Variants in PHACTR1 observed in about 807,000 individuals in gnomAD.
PHACTR1 encodes the protein RPEL repeat containing 1.
In PHACTR1, 16 loss-of-function variants were observed where a neutral mutation model predicts 69.2. That is an observed-to-expected ratio of 0.23 (90% CI 0.16 to 0.35). PHACTR1 has a LOEUF of 0.35. Ranked by LOEUF, PHACTR1 falls within the 10% of genes least tolerant of loss-of-function variation. The pLI is 1.00. For missense variants in PHACTR1, 510 were observed against 734.7 expected, an observed-to-expected ratio of 0.69 and a Z score of 3.54; for synonymous variants, 312 against 284.5, an observed-to-expected ratio of 1.10 and a Z score of -0.97.
chr6:13,140,054 T>C (rs550735826), intron 5 of PHACTR1, among the ~76,000 whole-genome samples: 1 of 152,226 alleles, frequency 6.6e-6, no homozygotes, highest in Non-Finnish European at 1.5e-5. Context: ...TAGATTCTCA[T>C]GATCTTCCTC....
chr6:12,735,745 C>G (rs1764156565), intron 3 of PHACTR1, among the ~76,000 whole-genome samples: 1 of 152,200 alleles, frequency 6.6e-6, no homozygotes, highest in Admixed American at 6.5e-5. Context: ...TTACAGGAAA[C>G]AGGGCTGGCT....
rs112874226 is a variant in PHACTR1 at position 12,787,509 on chromosome 6, C to T, written c.250+37719C>T. ...GATGTGTCCTGAGCAAATGGTTTCC[C>T]GGGATGCTGATCAAAAGAACAGTCA... On this transcript the variant is annotated intron_variant, in intron 4 of 14. Transcript: ENST00000332995. Among the ~76,000 whole-genome samples, 143 of 152,244 alleles carry T rather than the reference C, an allele frequency of 9.4e-4. 2 individuals are homozygous for T. In the South Asian group the frequency reaches 0.014, roughly 15 times the overall value.
chr6:12,759,108 G>A (rs1176081694), intron 4 of PHACTR1, among the ~76,000 whole-genome samples: 14 of 116,956 alleles, frequency 1.2e-4, no homozygotes, highest in African/African-American at 4.7e-4. Context: ...GGGTGAAGAA[G>A]CAAGACTCCA....
chr6:13,114,186 A>G (rs1817469321), intron 5 of PHACTR1, among the ~76,000 whole-genome samples: 1 of 152,110 alleles, frequency 6.6e-6, no homozygotes, highest in African/African-American at 2.4e-5. Flanking sequence ...CTCCTCTGCC[A>G]AGACCTGCTC....
chr6:12,773,648 C>T (rs1769671306), intron 4 of PHACTR1, among the ~76,000 whole-genome samples: 1 of 152,104 alleles, frequency 6.6e-6, no homozygotes, highest in East Asian at 1.9e-4. Flanking sequence ...TCAAAGATCT[C>T]ATAATATCTG....
intron 5 of PHACTR1, among the ~76,000 whole-genome samples, chr6:13,158,634 G>C (rs1339975404): frequency 6.6e-6 from 1 of 152,278 alleles, no homozygotes; most frequent in East Asian, 1.9e-4. Flanking sequence ...AAATAACCCA[G>C]AGAGCTTTTT....
At chr6:13,074,026 C>T (rs1468162049) in intron 5 of PHACTR1, among the ~76,000 whole-genome samples, 3 of 152,094 alleles carry the variant, frequency 2.0e-5, no homozygotes, top group Non-Finnish European at 4.4e-5. Flanking sequence ...GCGTATGCCA[C>T]CATGCCTGGC....
At position 13,245,437 on chromosome 6, in the gene PHACTR1, T is replaced by C. The variant is rs1271550229; in HGVS notation, c.1391+15244T>C. ...TAATAATTAATGATGTTGAGCATTT[T>C]TTCATGTTTGTTGGCCACATGGATT... On this transcript the variant is annotated intron_variant, in intron 10 of 14. Coordinates refer to ENST00000332995, the MANE Select transcript of PHACTR1 (RefSeq NM_030948.6). The surrounding 1 kb of genome is among the most constrained non-coding windows in gnomAD (Gnocchi z 4.1). Among the ~76,000 whole-genome samples, 3 of 152,234 alleles carry C rather than the reference T, an allele frequency of 2.0e-5. No homozygotes were observed. Among genetic ancestry groups the C allele is most frequent in the South Asian group, 2.1e-4 (1 of 4,834 alleles).
chr6:12,867,355 T>C (rs1781563988), intron 4 of PHACTR1, among the ~76,000 whole-genome samples: 1 of 152,230 alleles, frequency 6.6e-6, no homozygotes, highest in Non-Finnish European at 1.5e-5. Context: ...TAACAATACC[T>C]AAATGATCAA....
intron 4 of PHACTR1, among the ~76,000 whole-genome samples, chr6:12,907,938 T>C (rs1456380035): frequency 6.6e-6 from 1 of 152,242 alleles, no homozygotes; most frequent in Admixed American, 6.5e-5. Context: ...ATCAATGTCA[T>C]GTTTTAATTA....
At chr6:12,817,324 C>G (rs1382596374) in intron 4 of PHACTR1, among the ~76,000 whole-genome samples, 1 of 152,120 alleles carries the variant, frequency 6.6e-6, no homozygotes, top group Non-Finnish European at 1.5e-5. Context: ...CCTCTCTGTA[C>G]CTTTTCCAGA....
chr6:13,103,458 T>C (rs180971385), intron 5 of PHACTR1, among the ~76,000 whole-genome samples: 1 of 152,258 alleles, frequency 6.6e-6, no homozygotes, highest in Non-Finnish European at 1.5e-5. Flanking sequence ...AAGAAATTAT[T>C]CTTGAAATAA....
intron 3 of PHACTR1, among the ~76,000 whole-genome samples, chr6:12,720,220 T>A (rs1387968030): frequency 6.6e-6 from 1 of 152,178 alleles, no homozygotes; most frequent in East Asian, 1.9e-4. Flanking sequence ...AGTCTCAAGG[T>A]CACACATTGC....
chr6:12,928,654 G>A (rs1194666134), intron 4 of PHACTR1, among the ~76,000 whole-genome samples: 1 of 133,486 alleles, frequency 7.5e-6, no homozygotes, highest in Non-Finnish European at 1.5e-5. Context: ...CATGTGGTGA[G>A]CCCTGAAGTT....
rs545648340 is a variant in PHACTR1 at position 12,939,986 on chromosome 6, G to T, written c.251-113379G>T. On this transcript the variant is annotated intron_variant, in intron 4 of 14. Coordinates refer to ENST00000332995, the MANE Select transcript of PHACTR1 (RefSeq NM_030948.6). Reference sequence around the variant, plus strand: ...CAGGACCCAGAGTAACACCTTGCCAGCTAGGTAAATGCGGCAAGAAAGGAA... The same window carrying T: ...CAGGACCCAGAGTAACACCTTGCCATCTAGGTAAATGCGGCAAGAAAGGAA... 5.9e-5 allele frequency among the ~76,000 whole-genome samples: 9 copies of T among 152,338 alleles called. No individual in the cohort carries two copies. In the South Asian group the frequency reaches 1.9e-3, roughly 32 times the overall value.
At chr6:13,082,313 A>G (rs1286814343) in intron 5 of PHACTR1, among the ~76,000 whole-genome samples, 1 of 152,166 alleles carries the variant, frequency 6.6e-6, no homozygotes, top group East Asian at 1.9e-4. Context: ...CATAAATATT[A>G]TTATATCTTC....
At chr6:12,805,993 A>T (rs1476453659) in intron 4 of PHACTR1, among the ~76,000 whole-genome samples, 1 of 152,164 alleles carries the variant, frequency 6.6e-6, no homozygotes, top group Non-Finnish European at 1.5e-5. Flanking sequence ...ATAATGCTGC[A>T]TTCTTGTTAT....
chr6:13,170,062 A>G (rs1760366685), intron 6 of PHACTR1, among the ~76,000 whole-genome samples: 1 of 152,186 alleles, frequency 6.6e-6, no homozygotes, highest in Non-Finnish European at 1.5e-5. Flanking sequence ...CTCTGGCTGT[A>G]ACTCCTCATG....
intron 4 of PHACTR1, among the ~76,000 whole-genome samples, chr6:12,942,774 G>A (rs1054805718): frequency 2.6e-5 from 4 of 152,200 alleles, no homozygotes; most frequent in Admixed American, 6.5e-5. Context: ...GAAGAAAGTA[G>A]CTTATGAGCT....
Sources: allele counts gnomAD v4.1 joint callset (sites outside exome capture counted in the v4.1 genomes callset), GRCh38; gene constraint gnomAD v4.1.1; non-coding constraint Gnocchi (gnomAD v3.1); transcripts MANE v1.5; gene names NCBI Gene and HGNC (gene_info 2026-07-23, HGNC 2026-07-21).